The following CACNB2 variants were observed in gnomAD, a reference collection of about 807,000 sequenced individuals.
CACNB2 encodes voltage-dependent L-type calcium channel subunit beta-2.
Under a neutral mutation model 73.3 loss-of-function variants are expected in CACNB2, and 42 were observed. That is an observed-to-expected ratio of 0.57 (90% confidence interval 0.45 to 0.74). The LOEUF (loss-of-function observed/expected upper bound fraction) is 0.74, where lower values mean the gene tolerates loss of function less well. Ranked by LOEUF, CACNB2 falls within the 30% of genes least tolerant of loss-of-function variation. CACNB2 has a pLI of 0.00. For missense variants in CACNB2, 940 were observed against 853.0 expected (o/e 1.10, Z -1.27); for synonymous variants, 348 against 310.3 (o/e 1.12, Z -1.28).
intron 2 of CACNB2, among the ~76,000 whole-genome samples, chr10:18,334,381 C>T (rs746349236): frequency 1.3e-5 from 2 of 152,072 alleles, no homozygotes; most frequent in Non-Finnish European, 2.9e-5. Flanking sequence ...CTTTTGAGAC[C>T]CACGGGGGTC....
intron 3 of CACNB2, among the ~76,000 whole-genome samples, chr10:18,477,056 G>C (rs1231832499): frequency 2.0e-5 from 3 of 151,894 alleles, no homozygotes; most frequent in Admixed American, 2.0e-4. Flanking sequence ...CTGCCACACA[G>C]AAAAAGGAGG....
At chr10:18,470,196 T>G (rs770047976) in intron 3 of CACNB2, among the ~76,000 whole-genome samples, 12 of 151,480 alleles carry the variant, frequency 7.9e-5, no homozygotes, top group Middle Eastern at 6.9e-3. Flanking sequence ...TAAAAAGAAA[T>G]GTATTCAGGG....
chr10:18,520,163 T>C (rs1373510193), intron 9 of CACNB2: 1 of 171,412 alleles, frequency 5.8e-6, no homozygotes, highest in Non-Finnish European at 1.2e-5. Context: ...ATGTATACAA[T>C]TGCCTATTCA....
intron 2 of CACNB2, among the ~76,000 whole-genome samples, chr10:18,285,960 G>C (rs1364678895): frequency 6.6e-6 from 1 of 152,164 alleles, no homozygotes; most frequent in Non-Finnish European, 1.5e-5. Context: ...TAAGAAATTT[G>C]TAGAATCACA....
intron 2 of CACNB2, among the ~76,000 whole-genome samples, chr10:18,247,204 C>T (rs931547196): frequency 6.6e-6 from 1 of 152,182 alleles, no homozygotes; most frequent in Non-Finnish European, 1.5e-5. Context: ...AGCCTCTGCA[C>T]AGAATCCTGC....
intron 3 of CACNB2, among the ~76,000 whole-genome samples, chr10:18,441,049 G>A (rs1418693817): frequency 6.6e-6 from 1 of 152,204 alleles, no homozygotes; most frequent in African/African-American, 2.4e-5. Flanking sequence ...GTGTGGAAGC[G>A]GGAAATGGGT....
intron 12 of CACNB2, 102 bp from the exon 13 acceptor site, chr10:18,538,076 TAC>T: frequency 9.4e-7 from 1 of 1,059,990 alleles, no homozygotes; most frequent in East Asian, 2.4e-5. Context: ...CAGGAGCAAG[TAC>T]AAAGGGGTGC....
At chr10:18,178,890 A>C (rs1263801962) in intron 2 of CACNB2, among the ~76,000 whole-genome samples, 2 of 152,206 alleles carry the variant, frequency 1.3e-5, no homozygotes, top group East Asian at 3.9e-4. Context: ...ATGCTTGGGC[A>C]TTTCTGCTGC....
At position 18,542,095 on chromosome 10, in the gene CACNB2, G is replaced by A. The variant is rs1450099328; in HGVS notation, c.*2371G>A. ...TGTAGACCCAGCTACTTGGGAGGCTGAGATAGGAGGATCCCTTGAGCCCAG... is the reference window on the plus strand; with the variant it reads ...TGTAGACCCAGCTACTTGGGAGGCTAAGATAGGAGGATCCCTTGAGCCCAG... On this transcript the variant is annotated 3_prime_UTR_variant, in exon 14 of 14. Transcript: ENST00000324631. 6.6e-6 allele frequency: 1 copy of A among 152,088 alleles called. No homozygotes were observed. Among genetic ancestry groups the A allele is most frequent in the Non-Finnish European group, 1.5e-5 (1 of 68,034 alleles). 9.4% of individuals were successfully genotyped at this position (152,088 alleles called of 1,614,324 possible).
At chr10:18,248,723 A>C (rs562516253) in intron 2 of CACNB2, among the ~76,000 whole-genome samples, 1 of 152,256 alleles carries the variant, frequency 6.6e-6, no homozygotes, top group East Asian at 1.9e-4. Context: ...TATCTTTGTA[A>C]CCAACATCGT....
intron 3 of CACNB2, among the ~76,000 whole-genome samples, chr10:18,425,057 C>T (rs931180611): frequency 1.1e-4 from 16 of 152,236 alleles, no homozygotes; most frequent in Admixed American, 7.9e-4. Context: ...TACACTCATA[C>T]TATCACTGTA....
intron 2 of CACNB2, among the ~76,000 whole-genome samples, chr10:18,167,619 G>A (rs769189150): frequency 5.3e-5 from 8 of 152,052 alleles, no homozygotes; most frequent in Admixed American, 1.3e-4. Flanking sequence ...TATTTTATTC[G>A]AGGCCCTGCA....
intron 2 of CACNB2, among the ~76,000 whole-genome samples, chr10:18,228,900 G>A (rs908095280): frequency 6.6e-6 from 1 of 152,066 alleles, no homozygotes; most frequent in Non-Finnish European, 1.5e-5. Flanking sequence ...CACCATGCCT[G>A]GCTAATTATT....
At position 18,146,382 on chromosome 10, in the gene CACNB2, T is replaced by C. The variant is rs1238770873; in HGVS notation, c.121-4501T>C. ...TGGAGTGCAGTGGTGCAATCTTGGCTCACTGTAACCTCCACCTTCCATGTT... is the reference window on the plus strand; with the variant it reads ...TGGAGTGCAGTGGTGCAATCTTGGCCCACTGTAACCTCCACCTTCCATGTT... On this transcript the variant is annotated intron_variant, in intron 1 of 13. Transcript: ENST00000324631. Among the ~76,000 whole-genome samples, 6 of 150,148 alleles carry C rather than the reference T, an allele frequency of 4.0e-5. No individual in the cohort carries two copies. The East Asian group carries it at 1.2e-3, about 30-fold the overall frequency.
At chr10:18,359,421 G>T (rs894363882) in intron 2 of CACNB2, among the ~76,000 whole-genome samples, 2 of 151,932 alleles carry the variant, frequency 1.3e-5, no homozygotes, top group African/African-American at 2.4e-5. Context: ...ACAGGTGTGT[G>T]CCACCATGCC....
At chr10:18,303,491 C>A (rs1210760077) in intron 2 of CACNB2, among the ~76,000 whole-genome samples, 1 of 151,860 alleles carries the variant, frequency 6.6e-6, no homozygotes, top group Admixed American at 6.6e-5. Flanking sequence ...CGTGATAGAG[C>A]AAGGCCCCAT....
chr10:18,424,944 AAG>A (rs1458676313), intron 3 of CACNB2, among the ~76,000 whole-genome samples: 1 of 152,226 alleles, frequency 6.6e-6, no homozygotes, highest in Non-Finnish European at 1.5e-5. Flanking sequence ...GCATGTGTGC[AAG>A]AGTTTCTCTT....
intron 6 of CACNB2, chr10:18,513,230 G>C (rs2050947450): frequency 6.4e-6 from 1 of 155,602 alleles, no homozygotes; most frequent in Non-Finnish European, 1.4e-5. Flanking sequence ...CTGAGAAATG[G>C]TTCATTGTTG....
At chr10:18,162,548 T>C (rs2032544263) in intron 2 of CACNB2, among the ~76,000 whole-genome samples, 1 of 152,226 alleles carries the variant, frequency 6.6e-6, no homozygotes, top group Non-Finnish European at 1.5e-5. Context: ...GAGTAAAGTC[T>C]AGAAATCTCT....
Sources: allele counts gnomAD v4.1 joint callset (sites outside exome capture counted in the v4.1 genomes callset), GRCh38; gene constraint gnomAD v4.1.1; transcripts MANE v1.5; gene names NCBI Gene and HGNC (gene_info 2026-07-23, HGNC 2026-07-21).